MAP2K5: variants seen among roughly 807,000 people sequenced by gnomAD.
MAP2K5 encodes mitogen-activated protein kinase kinase 5.
In MAP2K5, 49 loss-of-function variants were observed where a neutral mutation model predicts 83.1. The ratio of observed to expected loss-of-function variants is 0.59; its 90% CI spans 0.47 to 0.75. The LOEUF (loss-of-function observed/expected upper bound fraction) is 0.75, where lower values mean the gene tolerates loss of function less well. MAP2K5 is among the 30% of genes least tolerant of loss of function. MAP2K5 has a pLI of 0.00. For synonymous variants in MAP2K5, 202 were observed against 191.8 expected, an observed-to-expected ratio of 1.05 and a Z score of -0.44; for missense variants, 457 against 557.5, an observed-to-expected ratio of 0.82 and a Z score of 1.82.
At chr15:67,615,562 T>C (rs1393333145) in intron 8 of MAP2K5, among the ~76,000 whole-genome samples, 1 of 152,164 alleles carries the variant, frequency 6.6e-6, no homozygotes. Flanking sequence ...TACTTTAGTA[T>C]GTGACAGAAT....
rs369050562 is a variant in MAP2K5, at chr15:67,563,393, G to A, written c.252+43G>A. 173 of 1,582,656 alleles carry A rather than the reference G, an allele frequency of 1.1e-4. No individual in the cohort carries two copies. The highest frequency in any genetic ancestry group is 1.4e-4 in the Non-Finnish European group (163 of 1,166,236). On this transcript the variant is annotated intron_variant, in intron 3 of 21. Coordinates refer to ENST00000178640, the MANE Select transcript of MAP2K5 (RefSeq NM_145160.3). This position sits in a 1 kb window ranked among gnomAD's most constrained non-coding sequence, Gnocchi z 4.5. The stretch of plus-strand genomic sequence containing the variant: ...GAAGACTATTTTTTAAAATCTTAAC[G>A]TGATTGAGGATGCTGTTTCTTGGGC...
intron 12 of MAP2K5, among the ~76,000 whole-genome samples, chr15:67,663,828 T>TGG (rs2141152091): frequency 6.6e-6 from 1 of 152,292 alleles, no homozygotes; most frequent in South Asian, 2.1e-4. Context: ...TGTGCTATGA[T>TGG]TGCACCACTG....
chr15:67,723,361 G>A lies in MAP2K5; in HGVS notation c.1045-4555G>A, dbSNP rs78131470. Reference sequence around the variant, plus strand: ...GCTGCTAACTGAAGAGCATTTTATAGATTGTGGTTGGCCAAGTCAAAGGTC... The same window carrying A: ...GCTGCTAACTGAAGAGCATTTTATAAATTGTGGTTGGCCAAGTCAAAGGTC... On this transcript the variant is annotated intron_variant, in intron 16 of 21. Transcript: ENST00000178640. Among the ~76,000 whole-genome samples the A allele has an allele frequency of 8.3e-3, 1,264 of 152,270 alleles. 15 individuals are homozygous for A. Among genetic ancestry groups the A allele is most frequent in the African/African-American group, 0.029 (1,206 of 41,542 alleles).
chr15:67,551,810 A>G (rs1013822605), intron 2 of MAP2K5, among the ~76,000 whole-genome samples: 1 of 152,238 alleles, frequency 6.6e-6, no homozygotes, highest in Non-Finnish European at 1.5e-5. Flanking sequence ...GGATTAATAA[A>G]TTACTATTTG....
At chr15:67,687,583 A>G (rs976874917) in intron 13 of MAP2K5, among the ~76,000 whole-genome samples, 7 of 152,198 alleles carry the variant, frequency 4.6e-5, no homozygotes, top group African/African-American at 1.7e-4. Flanking sequence ...GTAAGGTGTC[A>G]GTAAATATTT....
Position 67,592,118 on chromosome 15 carries a change from C to CAAAAAAAAAA in MAP2K5, c.432-800_432-791dup, listed in dbSNP as rs71142384. Among the ~76,000 whole-genome samples the CAAAAAAAAAA allele has an allele frequency of 1.8e-4, 21 of 117,982 alleles. 10 individuals are homozygous for CAAAAAAAAAA. Among genetic ancestry groups the CAAAAAAAAAA allele is most frequent in the South Asian group, 5.9e-4 (2 of 3,388 alleles). 77.4% of individuals were successfully genotyped at this position (117,982 alleles called of 152,430 possible). A position where few individuals can be genotyped will look rare whatever the true frequency, so the allele number is the denominator to read the frequency against. ...GGGCAACAAGAGTGAAACTATGTCT[C>CAAAAAAAAAA]AAAAAAAAAAAAAAAAAGGACTTTC... On this transcript the variant is annotated intron_variant, in intron 6 of 21. Coordinates refer to ENST00000178640, the MANE Select transcript of MAP2K5 (RefSeq NM_145160.3).
At chr15:67,630,243 GTCAC>G (rs1431652654) in intron 8 of MAP2K5, among the ~76,000 whole-genome samples, 2 of 152,256 alleles carry the variant, frequency 1.3e-5, no homozygotes, top group Admixed American at 1.3e-4. Context: ...GAATCAGTCA[GTCAC>G]TCAATCAGAT....
rs1419715762 is a variant in MAP2K5, at chr15:67,750,560, C to A, written c.1134+1959C>A. 7.9e-5 allele frequency among the ~76,000 whole-genome samples: 12 copies of A among 152,156 alleles called. No individual in the cohort carries two copies. Among genetic ancestry groups the A allele is most frequent in the Admixed American group, 7.9e-4 (12 of 15,270 alleles). ...CTGATTGCATCAGAATTACCTAAGG[C>A]TCTTGTTGTAATGCAAATTCCTGAG... On this transcript the variant is annotated intron_variant, in intron 19 of 21. Transcript: ENST00000178640. The surrounding 1 kb of genome is among the most constrained non-coding windows in gnomAD (Gnocchi z 4.2).
intron 16 of MAP2K5, among the ~76,000 whole-genome samples, chr15:67,715,602 T>C (rs1307829023): frequency 6.6e-6 from 1 of 152,210 alleles, no homozygotes; most frequent in African/African-American, 2.4e-5. Context: ...CAACAGCACA[T>C]ACTCATATCA....
At chr15:67,616,468 GTC>G (rs1172025820) in intron 8 of MAP2K5, among the ~76,000 whole-genome samples, 2 of 152,066 alleles carry the variant, frequency 1.3e-5, no homozygotes, top group African/African-American at 4.8e-5. Flanking sequence ...CCTCTGCCAT[GTC>G]TCTGATGGAC....
chr15:67,626,814 C>T (rs978556479), intron 8 of MAP2K5, among the ~76,000 whole-genome samples: 2 of 152,008 alleles, frequency 1.3e-5, no homozygotes, highest in Admixed American at 6.6e-5. Flanking sequence ...GTGGGAGGAT[C>T]GCTTGAGCCC....
chr15:67,771,545 G>A (rs1301777844), intron 20 of MAP2K5, among the ~76,000 whole-genome samples: 8 of 152,136 alleles, frequency 5.3e-5, no homozygotes, highest in Admixed American at 5.2e-4. Context: ...AATGATAGTG[G>A]GTAATAGCCT....
At chr15:67,549,256 T>C in intron 1 of MAP2K5, 1 of 1,423,212 alleles carries the variant, frequency 7.0e-7, no homozygotes, top group Non-Finnish European at 9.6e-7. Flanking sequence ...ATACTAATTT[T>C]CATGTGTTTT....
In MAP2K5 at chr15:67,640,578, C is replaced by T. The variant is rs551603785; in HGVS notation, c.586-5653C>T. On this transcript the variant is annotated intron_variant, in intron 9 of 21. Coordinates refer to ENST00000178640, the MANE Select transcript of MAP2K5 (RefSeq NM_145160.3). The surrounding 1 kb of genome is among the most constrained non-coding windows in gnomAD (Gnocchi z 4.6). The stretch of plus-strand genomic sequence containing the variant: ...AAACTGAATCACCTGCAGGGTCTGA[C>T]GCCTGCATGGAATGATGAGGGAAAT... 9.1e-6 allele frequency: 9 copies of T among 985,138 alleles called. No individual in the cohort carries two copies. The highest frequency in any genetic ancestry group is 5.2e-4 in the Middle Eastern group (1 of 1,912). The allele number at this position is 985,138 out of a possible 1,614,324, so 61.0% of individuals were successfully genotyped here.
Position 67,590,840 on chromosome 15 carries a change from G to A in MAP2K5, c.432-2086G>A, listed in dbSNP as rs371666709. Reference sequence around the variant, plus strand: ...ACAGTATAATAATAACCAGAGCAGCGACCACCATTTATGGAACCCTTAGCA... The same window carrying A: ...ACAGTATAATAATAACCAGAGCAGCAACCACCATTTATGGAACCCTTAGCA... On this transcript the variant is annotated intron_variant, in intron 6 of 21. Transcript: ENST00000178640. Among the ~76,000 whole-genome samples the A allele has an allele frequency of 7.2e-5, 11 of 152,220 alleles. No homozygotes were observed. In the East Asian group the frequency reaches 1.2e-3, roughly 16 times the overall value.
At chr15:67,582,041 T>A (rs999571625) in intron 4 of MAP2K5, among the ~76,000 whole-genome samples, 4 of 151,616 alleles carry the variant, frequency 2.6e-5, no homozygotes, top group African/African-American at 9.7e-5. Flanking sequence ...AGTCCAATGA[T>A]TAGGATGTAG....
intron 4 of MAP2K5, among the ~76,000 whole-genome samples, chr15:67,583,604 A>C (rs758994836): frequency 6.6e-6 from 1 of 152,216 alleles, no homozygotes; most frequent in Non-Finnish European, 1.5e-5. Context: ...CATAATCGAC[A>C]TGTAGACATA....
At chr15:67,586,539 T>C (rs746882594) in intron 5 of MAP2K5, among the ~76,000 whole-genome samples, 2 of 152,340 alleles carry the variant, frequency 1.3e-5, no homozygotes, top group Non-Finnish European at 2.9e-5. Context: ...ATATTCTTAA[T>C]GTACTTTTTG....
intron 16 of MAP2K5, among the ~76,000 whole-genome samples, chr15:67,706,744 C>G (rs1360295901): frequency 6.6e-6 from 1 of 152,066 alleles, no homozygotes; most frequent in East Asian, 1.9e-4. Flanking sequence ...AGTAATAGAC[C>G]AGTAAGTCAT....
Sources: allele counts gnomAD v4.1 joint callset (sites outside exome capture counted in the v4.1 genomes callset), GRCh38; gene constraint gnomAD v4.1.1; non-coding constraint Gnocchi (gnomAD v3.1); transcripts MANE v1.5; gene names NCBI Gene and HGNC (gene_info 2026-07-23, HGNC 2026-07-21).